Variants in SPATA6L observed in about 807,000 individuals in gnomAD.
The protein encoded by SPATA6L is spermatogenesis associated 6-like protein.
SPATA6L carries 68 observed loss-of-function variants against 49.2 expected under a neutral mutation model. The ratio of observed to expected loss-of-function variants is 1.38; its 90% CI spans 1.14 to 1.69. SPATA6L has a LOEUF of 1.69. SPATA6L is among the 40% of genes most tolerant of loss of function. The probability of loss-of-function intolerance (pLI) is 0.00; values close to 1 mark genes in which losing one functional copy is unlikely to be tolerated. For synonymous variants in SPATA6L, 198 were observed against 165.7 expected (o/e 1.19, Z -1.50); for missense variants, 668 against 464.3 (o/e 1.44, Z -4.03).
rs1324086572 is a variant in SPATA6L at position 4,662,524 on chromosome 9, C to T, written c.40-488G>A. ...TCCCTGCTCAGCAGCCGCGCCACGG[C>T]CGTGGACCCCACCTGCGCCCGGCTC... is the stretch of plus-strand genomic sequence containing the variant. On this transcript the variant is annotated intron_variant, in intron 1 of 11. Coordinates refer to ENST00000682582, the MANE Select transcript of SPATA6L (RefSeq NM_001353486.2). The surrounding 1 kb of genome is among the most constrained non-coding windows in gnomAD (Gnocchi z 4.9). 1 of 1,564,182 alleles carries T rather than the reference C, an allele frequency of 6.4e-7. No individual in the cohort carries two copies. The highest frequency in any genetic ancestry group is 8.6e-7 in the Non-Finnish European group (1 of 1,164,470).
intron 9 of SPATA6L, among the ~76,000 whole-genome samples, chr9:4,614,945 G>T (rs1827611533): frequency 1.3e-5 from 2 of 152,270 alleles, no homozygotes; most frequent in East Asian, 3.9e-4. Context: ...ATGTCACAGA[G>T]CTCCTCACTC....
chr9:4,647,189 T>C (rs1392047691), intron 3 of SPATA6L, among the ~76,000 whole-genome samples: 1 of 152,110 alleles, frequency 6.6e-6, no homozygotes, highest in Non-Finnish European at 1.5e-5. Context: ...AAAATAACAA[T>C]GCAATTTTCA....
chr9:4,626,514 G>C, intron 5 of SPATA6L: 1 of 1,304,292 alleles, frequency 7.7e-7, no homozygotes, highest in Non-Finnish European at 1.0e-6. Context: ...TTAAGCTTCT[G>C]TGTTCTTGCT....
chr9:4,627,824 C>G (rs1387194719), intron 5 of SPATA6L: 1 of 1,288,822 alleles, frequency 7.8e-7, no homozygotes, highest in Admixed American at 2.3e-5. Context: ...TTTACTGCAG[C>G]ACTATTCACA....
rs10974651 is a variant in SPATA6L at position 4,609,612 on chromosome 9, C to T, written c.996-4172G>A. Reference sequence around the variant, plus strand: ...ATTCAACAACACTTCATGCTAAAAACTCTCAATAAATTAGGTATTGATGGG... The same window carrying T: ...ATTCAACAACACTTCATGCTAAAAATTCTCAATAAATTAGGTATTGATGGG... On this transcript the variant is annotated intron_variant, in intron 9 of 11. Transcript: ENST00000682582. 5.9e-4 allele frequency among the ~76,000 whole-genome samples: 89 copies of T among 150,988 alleles called. 1 individual carries two copies. The East Asian group carries it at 0.015, about 26-fold the overall frequency.
chr9:4,653,120 A>C lies in SPATA6L; in HGVS notation c.226+2921T>G, dbSNP rs1466257297. ...ACTTCCTGGTTTTGAAATTTATTAC[A>C]AAGCTACGGTAACAGGATTGTGTGT... On this transcript the variant is annotated intron_variant, in intron 3 of 11. Transcript: ENST00000682582. Among the ~76,000 whole-genome samples the C allele has an allele frequency of 2.0e-5, 3 of 152,248 alleles. No homozygotes were observed. The South Asian group carries it at 6.2e-4, about 32-fold the overall frequency.
chr9:4,663,764 G>T (rs1044124766), intron 1 of SPATA6L: 1 of 167,050 alleles, frequency 6.0e-6, no homozygotes, highest in Non-Finnish European at 1.5e-5. Context: ...GGTTTTTCTA[G>T]TTTATTCCCT....
At chr9:4,651,525 T>C (rs1836846771) in intron 3 of SPATA6L, among the ~76,000 whole-genome samples, 1 of 152,148 alleles carries the variant, frequency 6.6e-6, no homozygotes. Context: ...CAAAACCAGA[T>C]GAAGACATAA....
In SPATA6L at chr9:4,603,081, G is replaced by C. The variant is rs563344947; in HGVS notation, c.*1+1098C>G. On this transcript the variant is annotated intron_variant, in intron 11 of 11. Transcript: ENST00000682582. ...CTACTTGCCACAGATCTGAATTCTA[G>C]AGTTGCCTTGTTACATGCATTCATA... Among the ~76,000 whole-genome samples, 7 of 152,308 alleles carry C rather than the reference G, an allele frequency of 4.6e-5. No homozygotes were observed. In the East Asian group the frequency reaches 1.3e-3, roughly 29 times the overall value.
intron 4 of SPATA6L, among the ~76,000 whole-genome samples, 193 bp from the exon 5 acceptor site, chr9:4,629,361 T>A (rs545511915): frequency 5.3e-5 from 8 of 152,232 alleles, no homozygotes; most frequent in African/African-American, 1.9e-4. Flanking sequence ...GAGCCAGGCC[T>A]AAGTAATTCA....
intron 3 of SPATA6L, among the ~76,000 whole-genome samples, chr9:4,644,611 A>C (rs1373608492): frequency 2.0e-5 from 3 of 151,610 alleles, no homozygotes; most frequent in African/African-American, 7.3e-5. Context: ...AAAAAGCAGA[A>C]ATGCGTAATA....
At position 4,635,340 on chromosome 9, in the gene SPATA6L, T is replaced by G; in HGVS notation, c.286A>C (p.Lys96Gln). The G allele has an allele frequency of 3.1e-6, 5 of 1,590,368 alleles. No homozygotes were observed. The highest frequency in any genetic ancestry group is 4.3e-6 in the Non-Finnish European group (5 of 1,171,658). Reference protein sequence around the residue: ...NTRDFLFPEPKLTPSHPRRCR... With the variant: ...NTRDFLFPEPQLTPSHPRRCR... The stretch of plus-strand genomic sequence containing the variant: ...CTCCTAGGGTGCGAAGGTGTCAGCT[T>G]GGGCTCTGGGAAAAGAAAATCTCGT... Residue 96 changes from lysine (K) to glutamine (Q), a missense_variant, in exon 4 of 12, where the codon AAG (lysine) becomes CAG (glutamine). Transcript: ENST00000682582.
intron 9 of SPATA6L, among the ~76,000 whole-genome samples, chr9:4,606,053 T>C (rs4304372): frequency 0.2 from 29,128 of 143,648 alleles, 3,565 homozygotes; most frequent in African/African-American, 0.4. Flanking sequence ...GGGTGACAGA[T>C]GGCACCTGGA....
intron 2 of SPATA6L, 98 bp from the exon 3 acceptor site, chr9:4,656,187 C>A: frequency 9.8e-7 from 1 of 1,019,504 alleles, no homozygotes; most frequent in South Asian, 1.4e-5. Flanking sequence ...ACCTGTAATC[C>A]TAGCACTTTG....
chr9:4,615,371 T>C (rs181219956), intron 9 of SPATA6L, among the ~76,000 whole-genome samples: 6 of 152,312 alleles, frequency 3.9e-5, no homozygotes, highest in Admixed American at 3.3e-4. Flanking sequence ...AGATTGAGTA[T>C]CATTCCTGCT....
At chr9:4,589,779 A>G (rs1224287600) in intron 13 of SPATA6L, among the ~76,000 whole-genome samples, 1 of 152,040 alleles carries the variant, frequency 6.6e-6, no homozygotes, top group Non-Finnish European at 1.5e-5. Flanking sequence ...CTGTCTCCCC[A>G]CCTGATGGAA....
At chr9:4,655,376 C>G (rs1031590279) in intron 3 of SPATA6L, among the ~76,000 whole-genome samples, 1 of 152,160 alleles carries the variant, frequency 6.6e-6, no homozygotes, top group Admixed American at 6.5e-5. Flanking sequence ...TTACCTATAG[C>G]TAGGAGGGCT....
downstream of SPATA6L, among the ~76,000 whole-genome samples, chr9:4,597,924 G>C (rs1822424434): frequency 1.3e-5 from 2 of 152,320 alleles, no homozygotes; most frequent in South Asian, 4.1e-4. Flanking sequence ...ACTCAGGGGA[G>C]TACTGGCTAT....
intron 9 of SPATA6L, among the ~76,000 whole-genome samples, chr9:4,614,840 A>G (rs1193311178): frequency 6.6e-6 from 1 of 152,190 alleles, no homozygotes; most frequent in Non-Finnish European, 1.5e-5. Context: ...TTTGGGCACA[A>G]AGAATTTGCT....
Sources: allele counts gnomAD v4.1 joint callset (sites outside exome capture counted in the v4.1 genomes callset), GRCh38; gene constraint gnomAD v4.1.1; non-coding constraint Gnocchi (gnomAD v3.1); transcripts MANE v1.5; gene names NCBI Gene and HGNC (gene_info 2026-07-23, HGNC 2026-07-21).